Variants in IFT46 observed in about 807,000 individuals in gnomAD.
IFT46 encodes the protein intraflagellar transport protein 46 homolog.
Under a neutral mutation model 39.6 loss-of-function variants are expected in IFT46, and 19 were observed. The observed-to-expected ratio is 0.48, with a 90% CI of 0.33 to 0.70. The LOEUF is 0.70. IFT46 is among the 30% of genes least tolerant of loss of function. The pLI, the probability that IFT46 is intolerant of heterozygous loss-of-function variation, is 0.01. For missense variants in IFT46, 334 were observed against 364.8 expected, an observed-to-expected ratio of 0.92 and a Z score of 0.69; for synonymous variants, 117 against 134.8, an observed-to-expected ratio of 0.87 and a Z score of 0.91.
upstream of IFT46, chr11:118,573,840 A>G (rs950879298): frequency 3.4e-4 from 171 of 502,106 alleles, no homozygotes; most frequent in Admixed American, 6.5e-4. Context: ...TGGACACAAA[A>G]TTTCCAGAAA....
At position 118,544,967 on chromosome 11, in the gene IFT46, T is replaced by G; in HGVS notation, c.864A>C (p.Ser288=). The G allele has an allele frequency of 6.2e-7, 1 of 1,613,834 alleles. No individual in the cohort carries two copies. Among genetic ancestry groups the G allele is most frequent in the Non-Finnish European group, 8.5e-7 (1 of 1,179,874 alleles). Residue 288 remains serine (S), a synonymous_variant, in exon 12 of 12, where the codon TCA becomes TCC. Transcript: ENST00000264021. The stretch of plus-strand genomic sequence containing the variant: ...CTCCAGCTTGGGAGGTGGAATTGGA[T>G]GAAGGAGTGAATGCTTTCTTGCCTT... ...LAEGKKAFTP[S]SNSTSQAGDM... is the part of the protein sequence containing the mutation.
upstream of IFT46, among the ~76,000 whole-genome samples, chr11:118,573,317 C>CA (rs1938398863): frequency 6.6e-6 from 1 of 152,132 alleles, no homozygotes; most frequent in South Asian, 2.1e-4. Flanking sequence ...TCAGATGTCT[C>CA]ACAGGAGGTG....
At chr11:118,554,947 A>C (rs782369335) in intron 6 of IFT46, 43 bp downstream of exon 6, 2 of 1,371,336 alleles carry the variant, frequency 1.5e-6, no homozygotes, top group Admixed American at 3.4e-5. Flanking sequence ...GGGGCATCAG[A>C]AGAAACACTT....
intron 3 of IFT46, chr11:118,557,542 T>C: frequency 1.6e-6 from 1 of 616,510 alleles, no homozygotes; most frequent in Non-Finnish European, 2.8e-6. Context: ...AAGAAGAAAG[T>C]TCAAAATCAA....
chr11:118,568,021 G>A (rs1555071806), upstream of IFT46, among the ~76,000 whole-genome samples: 1 of 152,092 alleles, frequency 6.6e-6, no homozygotes, highest in Non-Finnish European at 1.5e-5. Context: ...CTGCCACTAT[G>A]GGACTCCTCA....
exon 1 of IFT46, chr11:118,572,673 T>C (rs1938374729): frequency 2.3e-6 from 3 of 1,323,354 alleles, no homozygotes; most frequent in Non-Finnish European, 3.1e-6. Context: ...GTGCTTTTGC[T>C]CCGGGCTCGG....
At chr11:118,561,192 G>A in intron 2 of IFT46, 1 of 1,395,848 alleles carries the variant, frequency 7.2e-7, no homozygotes, top group Non-Finnish European at 1.0e-6. Context: ...GCTGTGGATG[G>A]AGGCTTGTCT....
upstream of IFT46, among the ~76,000 whole-genome samples, chr11:118,574,384 C>T (rs886499217): frequency 2.6e-5 from 4 of 151,842 alleles, no homozygotes; most frequent in Non-Finnish European, 4.4e-5. Context: ...TCAAAATTTC[C>T]AGCGTTTATT....
chr11:118,558,757 A>C (rs1313017280), intron 3 of IFT46, among the ~76,000 whole-genome samples: 3 of 150,318 alleles, frequency 2.0e-5, no homozygotes, highest in African/African-American at 7.4e-5. Context: ...CTCTACTAAA[A>C]ATACAAAAAT....
At chr11:118,555,403 A>G in intron 4 of IFT46, 81 bp from the exon 5 acceptor site, 1 of 998,996 alleles carries the variant, frequency 1.0e-6, no homozygotes, top group Non-Finnish European at 1.6e-6. Context: ...TGTGTTACTG[A>G]CTATAGGGAC....
chr11:118,546,056 TAATTA>T, intron 9 of IFT46: 1 of 713,372 alleles, frequency 1.4e-6, no homozygotes, highest in Non-Finnish European at 2.6e-6. Flanking sequence ...TTTAAAGAGA[TAATTA>T]AATTAAAACA....
At chr11:118,551,907 C>A in intron 8 of IFT46, 55 bp from the exon 9 acceptor site, 1 of 1,490,786 alleles carries the variant, frequency 6.7e-7, no homozygotes, top group Non-Finnish European at 9.4e-7. Context: ...ACATCAGCAA[C>A]CTCTGGATCA....
At chr11:118,550,707 C>A (rs1182576208) in intron 9 of IFT46, among the ~76,000 whole-genome samples, 1 of 152,046 alleles carries the variant, frequency 6.6e-6, no homozygotes, top group Non-Finnish European at 1.5e-5. Flanking sequence ...CTCATTATAC[C>A]CTAATTCTAT....
At chr11:118,560,734 A>G in intron 2 of IFT46, 1 of 671,862 alleles carries the variant, frequency 1.5e-6, no homozygotes, top group South Asian at 1.6e-5. Context: ...ACTTTAAGAG[A>G]TACCAAGTGA....
intron 1 of IFT46, chr11:118,572,504 C>A (rs1236942539): frequency 3.1e-6 from 5 of 1,610,068 alleles, no homozygotes; most frequent in African/African-American, 2.7e-5. Flanking sequence ...ACCCCTATCC[C>A]CAGTGGAGCC....
exon 1 of IFT46, chr11:118,572,649 G>C: frequency 6.7e-7 from 1 of 1,494,968 alleles, no homozygotes; most frequent in Non-Finnish European, 9.1e-7. Flanking sequence ...CCCGCCCTGA[G>C]GGTCTAGGGC....
At chr11:118,570,788 A>G (rs1938321063), upstream of IFT46, among the ~76,000 whole-genome samples, 1 of 152,246 alleles carries the variant, frequency 6.6e-6, no homozygotes, top group Admixed American at 6.5e-5. Context: ...GGACATGAGC[A>G]CAACTGCCCT....
intron 9 of IFT46, chr11:118,546,382 T>G: frequency 4.0e-6 from 2 of 500,772 alleles, no homozygotes; most frequent in Non-Finnish European, 7.3e-6. Flanking sequence ...TCCCAGCTAC[T>G]TGGGAGGCTG....
At chr11:118,547,056 C>T (rs1951703882) in intron 9 of IFT46, 1 of 152,146 alleles carries the variant, frequency 6.6e-6, no homozygotes, top group Non-Finnish European at 1.5e-5. Context: ...AAATAATATT[C>T]CATTGCATAG....
Sources: allele counts gnomAD v4.1 joint callset (sites outside exome capture counted in the v4.1 genomes callset), GRCh38; gene constraint gnomAD v4.1.1; transcripts MANE v1.5; gene names NCBI Gene and HGNC (gene_info 2026-07-23, HGNC 2026-07-21).